VPS13C: variants seen among roughly 807,000 people sequenced by gnomAD.
VPS13C encodes the protein intermembrane lipid transfer protein VPS13C.
Under a neutral mutation model 456.8 loss-of-function variants are expected in VPS13C, and 358 were observed. The ratio of observed to expected loss-of-function variants is 0.78; its 90% CI spans 0.72 to 0.86. VPS13C has a LOEUF of 0.86. Among genes scored for constraint, VPS13C ranks in the 40% least tolerant of loss-of-function variants. The pLI, the probability that VPS13C is intolerant of heterozygous loss-of-function variation, is 0.00. For synonymous variants in VPS13C, 1,578 were observed against 1,486.7 expected (o/e 1.06, Z -1.41); for missense variants, 4,818 against 4,385.4 (o/e 1.10, Z -2.79).
chr15:62,042,280 C>A (rs1052609072), intron 2 of VPS13C, among the ~76,000 whole-genome samples: 1 of 152,042 alleles, frequency 6.6e-6, no homozygotes, highest in African/African-American at 2.4e-5. Flanking sequence ...GAATACTAAA[C>A]AACTGATATC....
chr15:62,013,022 G>C lies in VPS13C; in HGVS notation c.825+17C>G. On this transcript the variant is annotated intron_variant, in intron 11 of 84. Transcript: ENST00000644861. ...ATGGGAGTGAAGTTAGCTCTTCCAAGTATACATTAATATTACCAAAATCTG... is the reference window on the plus strand; with the variant it reads ...ATGGGAGTGAAGTTAGCTCTTCCAACTATACATTAATATTACCAAAATCTG... 4 of 1,597,976 alleles carry C rather than the reference G, an allele frequency of 2.5e-6. No individual in the cohort carries two copies. The highest frequency in any genetic ancestry group is 3.4e-6 in the Non-Finnish European group (4 of 1,170,204).
intron 47 of VPS13C, among the ~76,000 whole-genome samples, chr15:61,940,378 A>C (rs929176439): frequency 5.3e-5 from 8 of 152,252 alleles, no homozygotes; most frequent in African/African-American, 1.9e-4. Flanking sequence ...GAAAACAAAG[A>C]AAAGTGAGGG....
intron 67 of VPS13C, among the ~76,000 whole-genome samples, chr15:61,885,894 A>G (rs1471418527): frequency 6.6e-6 from 1 of 152,114 alleles, no homozygotes; most frequent in African/African-American, 2.4e-5. Flanking sequence ...CTCCGTGCTG[A>G]CTTCTCAAAT....
intron 1 of VPS13C, among the ~76,000 whole-genome samples, chr15:62,059,228 A>C (rs531806759): frequency 8.5e-5 from 13 of 152,322 alleles, no homozygotes; most frequent in South Asian, 4.2e-4. Flanking sequence ...TCATACAGCA[A>C]GTCTCAATTA....
At chr15:61,997,570 C>T (rs2046431432) in intron 16 of VPS13C, among the ~76,000 whole-genome samples, 1 of 152,184 alleles carries the variant, frequency 6.6e-6, no homozygotes, top group Non-Finnish European at 1.5e-5. Flanking sequence ...TCTCATCTCA[C>T]TCAAGCTTGT....
chr15:61,902,185 G>A (rs12437684), intron 66 of VPS13C, among the ~76,000 whole-genome samples: 49,114 of 149,510 alleles, frequency 0.33, 9,172 homozygotes, highest in Non-Finnish European at 0.4. Flanking sequence ...TGGGTGCAGC[G>A]CACCAGCATG....
intron 66 of VPS13C, among the ~76,000 whole-genome samples, chr15:61,895,408 T>A (rs1159947103): frequency 2.6e-5 from 4 of 151,878 alleles, no homozygotes; most frequent in African/African-American, 9.7e-5. Context: ...AAAAGATCAA[T>A]GAAACAAAAA....
chr15:61,992,155 G>C (rs1035748892), intron 16 of VPS13C, among the ~76,000 whole-genome samples: 3 of 152,052 alleles, frequency 2.0e-5, no homozygotes, highest in Non-Finnish European at 4.4e-5. Flanking sequence ...AAAGTTCCTT[G>C]AAAGGAAACA....
At chr15:62,028,217 T>C in intron 6 of VPS13C, 141 bp downstream of exon 6, 1 of 740,020 alleles carries the variant, frequency 1.4e-6, no homozygotes, top group South Asian at 1.8e-5. Flanking sequence ...GAAAAGGAAA[T>C]GATGGTAGAG....
Position 61,961,846 on chromosome 15 carries a change from G to A in VPS13C, c.3651C>T (p.Ala1217=). ...FQTAKESLSA[A]TAQAAERAAT... is the part of the protein sequence containing the mutation. The stretch of plus-strand genomic sequence containing the variant: ...CAGCCCTTTCTGCAGCCTGGGCAGT[G>A]GCAGCACTCAGAGACTCTTTGGCTG... The change falls in exon 35 of 85, where the codon GCC becomes GCT. Residue 1217 remains alanine (A), a synonymous_variant. Transcript: ENST00000644861. The A allele has an allele frequency of 6.2e-7, 1 of 1,613,908 alleles. No individual in the cohort carries two copies. The highest frequency in any genetic ancestry group is 8.5e-7 in the Non-Finnish European group (1 of 1,179,920).
chr15:62,018,498 G>T (rs896677959), intron 9 of VPS13C, among the ~76,000 whole-genome samples: 2 of 151,554 alleles, frequency 1.3e-5, no homozygotes, highest in Non-Finnish European at 2.9e-5. Context: ...TAGCATGAAG[G>T]GCTGTTGAAT....
intron 13 of VPS13C, among the ~76,000 whole-genome samples, chr15:62,009,319 G>C (rs1237082842): frequency 4.6e-5 from 4 of 87,066 alleles, no homozygotes; most frequent in Non-Finnish European, 1.0e-4. Flanking sequence ...AGTTCAAATG[G>C]AGGGAAACAT....
intron 29 of VPS13C, among the ~76,000 whole-genome samples, chr15:61,966,450 A>T (rs2045379785): frequency 6.6e-6 from 1 of 151,912 alleles, no homozygotes; most frequent in Non-Finnish European, 1.5e-5. Context: ...CCTAATGCTT[A>T]AATCCCTCCA....
At chr15:62,018,329 T>G (rs1478958388) in intron 9 of VPS13C, among the ~76,000 whole-genome samples, 1 of 151,998 alleles carries the variant, frequency 6.6e-6, no homozygotes, top group Non-Finnish European at 1.5e-5. Flanking sequence ...CTATGTGGAA[T>G]AGGAGTGGTG....
At chr15:61,890,914 G>A (rs576156720) in intron 66 of VPS13C, among the ~76,000 whole-genome samples, 41 of 152,262 alleles carry the variant, frequency 2.7e-4, no homozygotes, top group African/African-American at 9.1e-4. Context: ...AGGCATGGTG[G>A]CGGGCACCTG....
At chr15:61,924,797 T>G (rs1290859689) in intron 53 of VPS13C, among the ~76,000 whole-genome samples, 1 of 152,222 alleles carries the variant, frequency 6.6e-6, no homozygotes, top group Non-Finnish European at 1.5e-5. Flanking sequence ...CTACTACCAT[T>G]ATTGGCATTA....
At chr15:61,866,137 T>TG (rs1189024273) in intron 81 of VPS13C, 18 of 984,958 alleles carry the variant, frequency 1.8e-5, no homozygotes, top group Admixed American at 6.2e-5. Flanking sequence ...CACAGCAAGA[T>TG]GGGCAAAGAA....
intron 18 of VPS13C, among the ~76,000 whole-genome samples, chr15:61,990,021 A>T (rs1281483114): frequency 6.6e-6 from 1 of 152,176 alleles, no homozygotes; most frequent in African/African-American, 2.4e-5. Flanking sequence ...AATAAATAAG[A>T]TGTGGTATTT....
intron 66 of VPS13C, among the ~76,000 whole-genome samples, chr15:61,903,707 A>G (rs892348264): frequency 2.0e-5 from 3 of 152,212 alleles, no homozygotes; most frequent in Non-Finnish European, 4.4e-5. Flanking sequence ...AAAAGAATAA[A>G]GCTGAACACA....
Sources: allele counts gnomAD v4.1 joint callset (sites outside exome capture counted in the v4.1 genomes callset), GRCh38; gene constraint gnomAD v4.1.1; transcripts MANE v1.5; gene names NCBI Gene and HGNC (gene_info 2026-07-23, HGNC 2026-07-21).